Variants in TNS1 observed in about 807,000 individuals in gnomAD.
TNS1 encodes the protein tensin-1.
TNS1 carries 62 observed loss-of-function variants against 168.6 expected under a neutral mutation model. The ratio of observed to expected loss-of-function variants is 0.37; its 90% confidence interval spans 0.30 to 0.45. The LOEUF is 0.45. Ranked by LOEUF, TNS1 falls within the 20% of genes least tolerant of loss-of-function variation. The pLI is 1.00. For synonymous variants in TNS1, 934 were observed against 933.2 expected, an observed-to-expected ratio of 1.00 and a Z score of -0.02; for missense variants, 2,240 against 2,339.4, an observed-to-expected ratio of 0.96 and a Z score of 0.88.
At chr2:217,935,378 G>A (rs1202683246) in intron 3 of TNS1, among the ~76,000 whole-genome samples, 1 of 152,202 alleles carries the variant, frequency 6.6e-6, no homozygotes, top group Non-Finnish European at 1.5e-5. Flanking sequence ...AATTCTTAGG[G>A]TCCCAGCTGG....
Position 217,804,225 on chromosome 2 carries a change from C to T in TNS1, c.*234G>A. On this transcript the variant is annotated 3_prime_UTR_variant, in exon 33 of 33. Transcript: ENST00000682258. ...TTGGGTTTTTGCAGTTTCCATCTAC[C>T]CAGGGGAATCCAAGTTCTTCTCCTC... is the stretch of plus-strand genomic sequence containing the variant. 1 of 542,372 alleles carries T rather than the reference C, an allele frequency of 1.8e-6. No homozygotes were observed. Among genetic ancestry groups the T allele is most frequent in the Non-Finnish European group, 3.2e-6 (1 of 310,306 alleles). The allele number at this position is 542,372 out of a possible 1,614,324, so 33.6% of individuals were successfully genotyped here. A position where few individuals can be genotyped will look rare whatever the true frequency, so the allele number is the denominator to read the frequency against.
chr2:217,828,602 T>G (rs2552528), intron 22 of TNS1, among the ~76,000 whole-genome samples: 8,664 of 152,250 alleles, frequency 0.057, 846 homozygotes, highest in African/African-American at 0.2. Context: ...ACCTGCTGGT[T>G]TGAGTCCTCA....
At chr2:217,898,868 C>G (rs1952616622) in intron 7 of TNS1, among the ~76,000 whole-genome samples, 1 of 152,166 alleles carries the variant, frequency 6.6e-6, no homozygotes, top group African/African-American at 2.4e-5. Flanking sequence ...GTCCAGGATG[C>G]CCACTTGGGA....
chr2:217,963,674 T>C (rs1957552859), intron 3 of TNS1, among the ~76,000 whole-genome samples: 1 of 151,414 alleles, frequency 6.6e-6, no homozygotes, highest in South Asian at 2.1e-4. Context: ...CCAATTACAC[T>C]GATTTGATCT....
chr2:217,936,265 C>T (rs1956604011), intron 3 of TNS1, among the ~76,000 whole-genome samples: 1 of 152,144 alleles, frequency 6.6e-6, no homozygotes, highest in Admixed American at 6.5e-5. Context: ...AAGGAGGCCC[C>T]CAAAGGATCC....
intron 23 of TNS1, among the ~76,000 whole-genome samples, chr2:217,821,220 C>T (rs749094449): frequency 2.0e-5 from 3 of 152,134 alleles, no homozygotes; most frequent in African/African-American, 2.4e-5. Context: ...GATAGAGATG[C>T]GGGCTCTGGA....
intron 3 of TNS1, among the ~76,000 whole-genome samples, chr2:217,924,018 C>G (rs551392378): frequency 6.6e-6 from 1 of 152,340 alleles, no homozygotes; most frequent in East Asian, 1.9e-4. Context: ...GAGCAGCCAG[C>G]CCAGGCAGGG....
At chr2:217,980,727 C>T (rs1008669768) in intron 2 of TNS1, among the ~76,000 whole-genome samples, 2 of 152,074 alleles carry the variant, frequency 1.3e-5, no homozygotes. Flanking sequence ...TCTAAGCATC[C>T]ACCCCAGTCT....
chr2:217,959,853 T>C lies in TNS1; in HGVS notation c.186+18912A>G, dbSNP rs374660972. Among the ~76,000 whole-genome samples the C allele has an allele frequency of 2.2e-4, 33 of 147,764 alleles. No individual in the cohort carries two copies. The East Asian group carries it at 4.1e-3, about 18-fold the overall frequency. The stretch of plus-strand genomic sequence containing the variant: ...GAGGGGCAAGTGGGGGCCTCAGCTC[T>C]AGCCTCTCCAGGAATGCGGCTGGGG... On this transcript the variant is annotated intron_variant, in intron 3 of 32. Coordinates refer to ENST00000682258, the MANE Select transcript of TNS1 (RefSeq NM_001387777.1).
intron 3 of TNS1, among the ~76,000 whole-genome samples, chr2:217,938,314 C>T (rs1362860845): frequency 3.3e-5 from 5 of 152,172 alleles, no homozygotes; most frequent in Non-Finnish European, 7.3e-5. Flanking sequence ...CTGACCCCTG[C>T]TAATGAGGAA....
In TNS1 at chr2:217,969,983, T is replaced by C. The variant is rs1039212159; in HGVS notation, c.186+8782A>G. On this transcript the variant is annotated intron_variant, in intron 3 of 32. Transcript: ENST00000682258. ...GGGTCATGAGGATGGGCCTTAACCA[T>C]CTATGACAGTTCCTGATAAAAAAAA... 1.8e-4 allele frequency among the ~76,000 whole-genome samples: 27 copies of C among 151,748 alleles called. 1 individual carries two copies. The highest frequency in any genetic ancestry group is 6.3e-4 in the African/African-American group (26 of 41,228).
rs186092156 is a variant in TNS1, at chr2:217,936,234, T to C, written c.187-15998A>G. On this transcript the variant is annotated intron_variant, in intron 3 of 32. Coordinates refer to ENST00000682258, the MANE Select transcript of TNS1 (RefSeq NM_001387777.1). ...CATTCAACAAACAGTAAGGGGCTAC[T>C]GTGTTCCAGGTCAGATGGTAAAGGA... Among the ~76,000 whole-genome samples the C allele has an allele frequency of 1.2e-4, 19 of 152,268 alleles. No individual in the cohort carries two copies. The East Asian group carries it at 3.3e-3, about 26-fold the overall frequency.
At chr2:217,973,977 G>A (rs945928272) in intron 3 of TNS1, among the ~76,000 whole-genome samples, 4 of 152,152 alleles carry the variant, frequency 2.6e-5, no homozygotes, top group South Asian at 2.1e-4. Context: ...CCTGCAATCC[G>A]CAAGAACACG....
chr2:218,006,741 T>A (rs1958661752), upstream of TNS1, among the ~76,000 whole-genome samples: 1 of 152,148 alleles, frequency 6.6e-6, no homozygotes, highest in Non-Finnish European at 1.5e-5. Flanking sequence ...CATGTTTTGA[T>A]CTGCCATAGA....
rs1001030681 is a variant in TNS1, at chr2:217,847,368, C to T, written c.3007+142G>A. ...AGACAATGAATGCAGGAAGGGATAA[C>T]TGGCTAGCATATAGGCTCCTGAGAG... is the stretch of plus-strand genomic sequence containing the variant. On this transcript the variant is annotated intron_variant, in intron 19 of 32. Coordinates refer to ENST00000682258, the MANE Select transcript of TNS1 (RefSeq NM_001387777.1). 7 of 742,822 alleles carry T rather than the reference C, an allele frequency of 9.4e-6. No homozygotes were observed. In the Middle Eastern group the frequency reaches 1.1e-3, roughly 114 times the overall value. The allele number at this position is 742,822 out of a possible 1,614,324, so 46.0% of individuals were successfully genotyped here. A position where few individuals can be genotyped will look rare whatever the true frequency, so the allele number is the denominator to read the frequency against.
intron 17 of TNS1, chr2:217,881,312 T>C: frequency 3.2e-6 from 1 of 309,352 alleles, no homozygotes; most frequent in Non-Finnish European, 6.0e-6. Flanking sequence ...GCTGGGTACC[T>C]GCCTCTTTTT....
chr2:217,879,397 T>A (rs995244825), intron 18 of TNS1: 8 of 452,894 alleles, frequency 1.8e-5, no homozygotes, highest in South Asian at 1.2e-4. Context: ...CGCTCCAGCC[T>A]CTGCTTTCTG....
intron 3 of TNS1, among the ~76,000 whole-genome samples, chr2:217,953,158 G>A (rs989057162): frequency 2.0e-5 from 3 of 151,970 alleles, no homozygotes; most frequent in African/African-American, 7.3e-5. Context: ...CCCTGGGGCA[G>A]TGAGGGATCT....
At chr2:217,846,012 C>A (rs557164130) in intron 19 of TNS1, among the ~76,000 whole-genome samples, 9 of 152,224 alleles carry the variant, frequency 5.9e-5, no homozygotes, top group Admixed American at 3.3e-4. Context: ...CTCAAAAAAA[C>A]CAAGAAGAAA....
Sources: gnomAD v4.1 joint callset for allele counts (sites outside exome capture counted in the v4.1 genomes callset) on GRCh38, gnomAD v4.1.1 for gene constraint, MANE v1.5 for transcripts, NCBI Gene and HGNC (gene_info 2026-07-23, HGNC 2026-07-21) for gene names.